Variants in CCDC175 observed in about 807,000 individuals in gnomAD.
The protein encoded by CCDC175 is coiled-coil domain-containing protein 175.
A neutral mutation model predicts 114.6 loss-of-function variants in CCDC175; 100 were observed. That is an observed-to-expected ratio of 0.87 (90% CI 0.74 to 1.03). CCDC175 has a LOEUF of 1.03. Among genes scored for constraint, CCDC175 ranks in the 50% least tolerant of loss-of-function variants. The pLI, the probability that CCDC175 is intolerant of heterozygous loss-of-function variation, is 0.00. For synonymous variants in CCDC175, 306 were observed against 308.7 expected (o/e 0.99, Z 0.09); for missense variants, 880 against 917.8 (o/e 0.96, Z 0.53).
At chr14:59,544,410 C>A (rs1894978406) in intron 9 of CCDC175, among the ~76,000 whole-genome samples, 2 of 152,014 alleles carry the variant, frequency 1.3e-5, no homozygotes, top group Admixed American at 1.3e-4. Flanking sequence ...AATAATGAGG[C>A]TCAGAGAAGT....
chr14:59,535,110 T>G (rs984897942), intron 13 of CCDC175, among the ~76,000 whole-genome samples: 16 of 152,200 alleles, frequency 1.1e-4, no homozygotes, highest in African/African-American at 3.1e-4. Context: ...AGAAATGGGA[T>G]TACAATGTGC....
intron 7 of CCDC175, among the ~76,000 whole-genome samples, chr14:59,557,505 T>C (rs1477629820): frequency 1.3e-5 from 2 of 149,776 alleles, no homozygotes; most frequent in Non-Finnish European, 3.0e-5. Flanking sequence ...TTAGGAGATA[T>C]ACCTAATGTA....
intron 10 of CCDC175, among the ~76,000 whole-genome samples, chr14:59,541,541 T>C (rs1894786810): frequency 6.6e-6 from 1 of 152,204 alleles, no homozygotes. Flanking sequence ...ACTAGAAACA[T>C]ACCTGTTCTC....
intron 8 of CCDC175, among the ~76,000 whole-genome samples, chr14:59,547,746 A>G (rs1895201003): frequency 1.3e-5 from 2 of 152,216 alleles, no homozygotes; most frequent in African/African-American, 2.4e-5. Context: ...AAAGCTTCTC[A>G]ATGGTAACAG....
chr14:59,530,206 A>C (rs910883030), intron 14 of CCDC175, among the ~76,000 whole-genome samples: 1 of 151,878 alleles, frequency 6.6e-6, no homozygotes, highest in African/African-American at 2.4e-5. Flanking sequence ...ATCTCTACTA[A>C]AAATACAAAA....
intron 2 of CCDC175, 136 bp from the exon 3 acceptor site, chr14:59,572,949 G>A: frequency 1.8e-6 from 1 of 551,332 alleles, no homozygotes; most frequent in South Asian, 2.8e-5. Context: ...ATTTTTATTT[G>A]GAACAGAAAC....
At chr14:59,537,969 C>T in intron 13 of CCDC175, 54 bp downstream of exon 13, 3 of 1,229,728 alleles carry the variant, frequency 2.4e-6, no homozygotes, top group Non-Finnish European at 3.4e-6. Flanking sequence ...TATTATTCCC[C>T]CTCCCCCTCA....
At chr14:59,571,238 T>C (rs1896832723) in intron 3 of CCDC175, among the ~76,000 whole-genome samples, 1 of 151,954 alleles carries the variant, frequency 6.6e-6, no homozygotes, top group Non-Finnish European at 1.5e-5. Flanking sequence ...AAAGCCTTCA[T>C]GGCATTGAAT....
At chr14:59,514,817 G>A (rs1017457321) in intron 17 of CCDC175, among the ~76,000 whole-genome samples, 1 of 152,078 alleles carries the variant, frequency 6.6e-6, no homozygotes, top group Non-Finnish European at 1.5e-5. Context: ...TACAGAGAAT[G>A]CCACAAAGAT....
At chr14:59,567,010 A>G (rs577128404) in intron 4 of CCDC175, among the ~76,000 whole-genome samples, 3 of 152,302 alleles carry the variant, frequency 2.0e-5, no homozygotes, top group African/African-American at 7.2e-5. Context: ...TAAATCAGCA[A>G]TTTTGGAAGC....
Position 59,531,790 on chromosome 14 carries a change from G to A in CCDC175, c.1744C>T (p.Leu582Phe), listed in dbSNP as rs1414981706. 6.7e-7 allele frequency: 1 copy of A among 1,499,088 alleles called. No homozygotes were observed. Among genetic ancestry groups the A allele is most frequent in the African/African-American group, 1.4e-5 (1 of 71,666 alleles). 92.9% of individuals were successfully genotyped at this position (1,499,088 alleles called of 1,614,324 possible). ...YKEKRRKLEE[L>F]SNIITAQRQE... ...TATGTACCTGTAATAATATTACTGA[G>A]CTCTTCTAACTTTCTTCTTTTCTCT... Residue 582 changes from leucine (L) to phenylalanine (F), a missense_variant, in exon 14 of 20, where the codon CTC becomes TTC. Physicochemically the swap from Leu to Phe is conservative, Grantham distance 22 (BLOSUM62 0). Coordinates refer to ENST00000537690, the MANE Select transcript of CCDC175 (RefSeq NM_001164399.2).
chr14:59,525,544 T>C, intron 15 of CCDC175, 110 bp from the exon 16 acceptor site: 1 of 708,840 alleles, frequency 1.4e-6, no homozygotes, highest in Non-Finnish European at 2.2e-6. Context: ...ATTTCTGAAG[T>C]ATCCAGCAGA....
chr14:59,537,683 A>C (rs763727895), intron 13 of CCDC175, among the ~76,000 whole-genome samples: 4 of 152,178 alleles, frequency 2.6e-5, no homozygotes, highest in African/African-American at 4.8e-5. Flanking sequence ...CTCTTTTTAA[A>C]GAGCACATCT....
intron 14 of CCDC175, among the ~76,000 whole-genome samples, chr14:59,528,580 T>C (rs1417820220): frequency 6.6e-6 from 1 of 152,088 alleles, no homozygotes. Context: ...ACCTCTACAT[T>C]TCATCCCTAA....
intron 16 of CCDC175, 110 bp downstream of exon 16, chr14:59,525,172 G>A: frequency 1.2e-6 from 1 of 821,182 alleles, no homozygotes; most frequent in South Asian, 2.5e-5. Flanking sequence ...TGTACTTTAT[G>A]CTCCATTAAA....
At chr14:59,533,987 T>TAAAAA (rs3084296) in intron 13 of CCDC175, among the ~76,000 whole-genome samples, 11 of 133,606 alleles carry the variant, frequency 8.2e-5, no homozygotes, top group South Asian at 2.4e-4. Context: ...AGACCCCTTT[T>TAAAAA]AAAAAAAAAA....
At chr14:59,552,558 C>G (rs566926005) in intron 7 of CCDC175, among the ~76,000 whole-genome samples, 19 of 152,126 alleles carry the variant, frequency 1.2e-4, no homozygotes, top group African/African-American at 4.3e-4. Flanking sequence ...AAAATCAGAG[C>G]ACCTCCCCCC....
At chr14:59,514,168 G>C (rs933173154) in intron 17 of CCDC175, among the ~76,000 whole-genome samples, 1 of 152,158 alleles carries the variant, frequency 6.6e-6, no homozygotes, top group Non-Finnish European at 1.5e-5. Context: ...CCATCTGTAC[G>C]TCACCATCAT....
Position 59,510,705 on chromosome 14 carries a change from C to G in CCDC175, c.2246G>C (p.Arg749Pro), listed in dbSNP as rs775782306. The G allele has an allele frequency of 6.5e-7, 1 of 1,537,146 alleles. No individual in the cohort carries two copies. The highest frequency in any genetic ancestry group is 2.0e-5 in the Admixed American group (1 of 50,978). Residue 749 changes from arginine (R) to proline (P), a missense_variant, in exon 19 of 20, where the codon CGA (arginine) becomes CCA (proline). By Grantham distance (103) the Arg-to-Pro change is moderately radical (BLOSUM62 -2). Coordinates refer to ENST00000537690, the MANE Select transcript of CCDC175 (RefSeq NM_001164399.2). ...EKMQHVSTWLRGSLEGLRLLV... is the reference protein window; with the variant it reads ...EKMQHVSTWLPGSLEGLRLLV... ...CAAACGCAGCCCTTCAAGACTCCCT[C>G]GTAGCCATGTACTGACATGCTGCAT...
Sources: gnomAD v4.1 joint callset for allele counts (sites outside exome capture counted in the v4.1 genomes callset) on GRCh38, gnomAD v4.1.1 for gene constraint, MANE v1.5 for transcripts, NCBI Gene and HGNC (gene_info 2026-07-23, HGNC 2026-07-21) for gene names.